The following CACNB4 variants were observed in gnomAD, a reference collection of about 807,000 sequenced individuals.
CACNB4 encodes the protein voltage-dependent L-type calcium channel subunit beta-4.
In CACNB4, 32 loss-of-function variants were observed where a neutral mutation model predicts 71.2. That is an observed-to-expected ratio of 0.45 (90% CI 0.34 to 0.60). The LOEUF (loss-of-function observed/expected upper bound fraction) is 0.60. Among genes scored for constraint, CACNB4 ranks in the 20% least tolerant of loss-of-function variants. The probability of loss-of-function intolerance (pLI) is 0.01; values close to 1 mark genes in which losing one functional copy is unlikely to be tolerated. For synonymous variants in CACNB4, 231 were observed against 236.9 expected, an observed-to-expected ratio of 0.97 and a Z score of 0.23; for missense variants, 464 against 647.9, an observed-to-expected ratio of 0.72 and a Z score of 3.08.
intron 2 of CACNB4, among the ~76,000 whole-genome samples, chr2:152,011,175 T>C (rs768822552): frequency 6.6e-6 from 1 of 152,294 alleles, no homozygotes; most frequent in South Asian, 2.1e-4. Context: ...AGAGCCCACC[T>C]ATCATTGAGA....
chr2:151,947,330 G>C (rs1235255081), intron 2 of CACNB4, among the ~76,000 whole-genome samples: 2 of 152,174 alleles, frequency 1.3e-5, no homozygotes, highest in African/African-American at 4.8e-5. Context: ...CTGGAACTTA[G>C]GGGGCAAAGA....
chr2:152,071,350 T>A (rs1686679084), intron 2 of CACNB4, among the ~76,000 whole-genome samples: 1 of 152,178 alleles, frequency 6.6e-6, no homozygotes, highest in African/African-American at 2.4e-5. Context: ...GAGAAACACT[T>A]CCTCAAACAT....
intron 2 of CACNB4, among the ~76,000 whole-genome samples, chr2:151,955,808 G>A (rs964689865): frequency 6.6e-6 from 1 of 152,064 alleles, no homozygotes; most frequent in Admixed American, 6.6e-5. Flanking sequence ...AAGCTAAGGT[G>A]GGAGGATTGC....
At chr2:152,017,769 A>C (rs1209420966) in intron 2 of CACNB4, among the ~76,000 whole-genome samples, 1 of 152,112 alleles carries the variant, frequency 6.6e-6, no homozygotes, top group Non-Finnish European at 1.5e-5. Context: ...AAGCTCTCAT[A>C]TACTGTATTC....
chr2:151,869,363 G>T (rs756128933), intron 8 of CACNB4, 128 bp from the exon 9 acceptor site: 3 of 598,662 alleles, frequency 5.0e-6, no homozygotes, highest in Non-Finnish European at 9.1e-6. Context: ...TCGTCTCCTA[G>T]GGGGAGGTTA....
chr2:152,030,385 CATT>C (rs1178171350), intron 2 of CACNB4, among the ~76,000 whole-genome samples: 6 of 152,168 alleles, frequency 3.9e-5, no homozygotes, highest in Non-Finnish European at 5.9e-5. Context: ...ACAAGATCAT[CATT>C]AATTTTTACA....
chr2:151,855,388 A>G lies in CACNB4; in HGVS notation c.869-13T>C. On this transcript the variant is annotated splice_polypyrimidine_tract_variant and intron_variant, in intron 10 of 13. Transcript: ENST00000539935. ...CTTTGTACTTCCGCTTAAAGGAAAA[A>G]TAATAAATAGATCCCGGTTATTGTT... 6.4e-7 allele frequency: 1 copy of G among 1,565,804 alleles called. No individual in the cohort carries two copies. Among genetic ancestry groups the G allele is most frequent in the Non-Finnish European group, 8.8e-7 (1 of 1,142,410 alleles).
intron 2 of CACNB4, among the ~76,000 whole-genome samples, chr2:151,993,145 T>G (rs1681810472): frequency 1.1e-5 from 1 of 93,364 alleles, no homozygotes; most frequent in Admixed American, 9.5e-5. Context: ...GTAAGCCACG[T>G]TTTTTGTTTT....
chr2:151,995,651 G>A (rs1682000668), intron 2 of CACNB4, among the ~76,000 whole-genome samples: 1 of 152,232 alleles, frequency 6.6e-6, no homozygotes, highest in Non-Finnish European at 1.5e-5. Flanking sequence ...GGAGCTTGCA[G>A]TGAGCCAAGA....
In CACNB4 at chr2:151,916,133, C is replaced by T. The variant is rs182301229; in HGVS notation, c.148-32763G>A. On this transcript the variant is annotated intron_variant, in intron 2 of 13. Transcript: ENST00000539935. ...CCTGGTTGCCAGTGAAGGATTCACA[C>T]GCTTATTATGGGTTTTTTCCATGGG... Among the ~76,000 whole-genome samples, 592 of 152,256 alleles carry T rather than the reference C, an allele frequency of 3.9e-3. 5 individuals carry two copies. Among genetic ancestry groups the T allele is most frequent in the African/African-American group, 0.013 (544 of 41,548 alleles).
At chr2:151,913,095 C>A (rs970194837) in intron 2 of CACNB4, among the ~76,000 whole-genome samples, 1 of 152,122 alleles carries the variant, frequency 6.6e-6, no homozygotes, top group Non-Finnish European at 1.5e-5. Flanking sequence ...GAATACAGCA[C>A]ACCAATGGGT....
At chr2:151,963,315 A>T (rs1352271872) in intron 2 of CACNB4, among the ~76,000 whole-genome samples, 1 of 149,752 alleles carries the variant, frequency 6.7e-6, no homozygotes, top group Admixed American at 6.7e-5. Context: ...CCGTCTCAAA[A>T]AAAAAAAAAA....
At position 151,833,495 on chromosome 2, in the gene CACNB4, T is replaced by C. The variant is rs973349307; in HGVS notation, c.*5624A>G. The C allele has an allele frequency of 1.3e-5, 2 of 152,080 alleles. No individual in the cohort carries two copies. The highest frequency in any genetic ancestry group is 2.4e-5 in the African/African-American group (1 of 41,440). 9.4% of individuals were successfully genotyped at this position (152,080 alleles called of 1,614,324 possible). On this transcript the variant is annotated 3_prime_UTR_variant, in exon 14 of 14. Transcript: ENST00000539935. ...TTGCTGTGACTTTCTGCTGTTGTTA[T>C]TGAAAGAGAAGAAATAAGAGGAGAA... is the stretch of plus-strand genomic sequence containing the variant.
chr2:152,040,022 T>C (rs1397486276), intron 2 of CACNB4, among the ~76,000 whole-genome samples: 1 of 152,222 alleles, frequency 6.6e-6, no homozygotes, highest in Non-Finnish European at 1.5e-5. Context: ...GAATTTTAAT[T>C]CCACCTTCTA....
At chr2:151,983,533 T>A (rs2099875081) in intron 2 of CACNB4, among the ~76,000 whole-genome samples, 1 of 152,138 alleles carries the variant, frequency 6.6e-6, no homozygotes, top group Non-Finnish European at 1.5e-5. Flanking sequence ...TAGAAAACAG[T>A]ATAAATTTGG....
intron 2 of CACNB4, among the ~76,000 whole-genome samples, chr2:151,884,684 G>A (rs1164841641): frequency 2.0e-5 from 3 of 148,626 alleles, no homozygotes; most frequent in Non-Finnish European, 4.5e-5. Context: ...TCTGACTGAT[G>A]TGGCGAAGTT....
At chr2:151,892,628 A>C (rs892067824) in intron 2 of CACNB4, among the ~76,000 whole-genome samples, 1 of 152,210 alleles carries the variant, frequency 6.6e-6, no homozygotes, top group Non-Finnish European at 1.5e-5. Flanking sequence ...ACAGAAGGAG[A>C]TCCCCCAGAG....
chr2:152,005,044 A>G (rs1259313346), intron 2 of CACNB4, among the ~76,000 whole-genome samples: 1 of 152,320 alleles, frequency 6.6e-6, no homozygotes, highest in East Asian at 1.9e-4. Context: ...AGGTCGTGGC[A>G]AAAAAGAAAT....
intron 2 of CACNB4, among the ~76,000 whole-genome samples, chr2:151,895,589 T>C (rs2099851854): frequency 2.0e-5 from 3 of 152,068 alleles, no homozygotes; most frequent in Admixed American, 2.0e-4. Flanking sequence ...GCTTGAATTT[T>C]TACCTTCGGA....
Sources: allele counts gnomAD v4.1 joint callset (sites outside exome capture counted in the v4.1 genomes callset), GRCh38; gene constraint gnomAD v4.1.1; transcripts MANE v1.5; gene names NCBI Gene and HGNC (gene_info 2026-07-23, HGNC 2026-07-21).